The following CDH23 variants were observed in gnomAD, a reference collection of about 807,000 sequenced individuals.
CDH23 encodes the protein cadherin-23.
A neutral mutation model predicts 317.1 loss-of-function variants in CDH23; 189 were observed. The observed-to-expected ratio is 0.60, with a 90% CI of 0.53 to 0.67. The LOEUF (loss-of-function observed/expected upper bound fraction) is 0.67, where lower values mean the gene tolerates loss of function less well. Among genes scored for constraint, CDH23 ranks in the 30% least tolerant of loss-of-function variants. The pLI is 0.00. For missense variants in CDH23, 4,401 were observed against 4,592.4 expected, an observed-to-expected ratio of 0.96 and a Z score of 1.20; for synonymous variants, 1,839 against 1,876.8, an observed-to-expected ratio of 0.98 and a Z score of 0.52.
intron 22 of CDH23, among the ~76,000 whole-genome samples, chr10:71,696,511 G>A (rs10999956): frequency 0.037 from 5,566 of 152,334 alleles, 152 homozygotes; most frequent in East Asian, 0.077. Flanking sequence ...GTCAGGACTC[G>A]AACCCTGGTC....
At chr10:71,548,465 G>A (rs1318670820) in intron 6 of CDH23, among the ~76,000 whole-genome samples, 2 of 152,122 alleles carry the variant, frequency 1.3e-5, no homozygotes, top group Admixed American at 6.5e-5. Context: ...TCCTCCAAGT[G>A]GAAGGGATTA....
intron 27 of CDH23, among the ~76,000 whole-genome samples, chr10:71,710,040 GC>G (rs1564747613): frequency 1.3e-5 from 2 of 152,088 alleles, no homozygotes; most frequent in Admixed American, 6.5e-5. Context: ...AGGAGAAAAT[GC>G]CCCCATGATT....
intron 8 of CDH23, among the ~76,000 whole-genome samples, chr10:71,572,156 G>A (rs1316119856): frequency 6.6e-6 from 1 of 152,216 alleles, no homozygotes; most frequent in Non-Finnish European, 1.5e-5. Context: ...ACAGATCAAT[G>A]CCCCCAATTC....
intron 14 of CDH23, among the ~76,000 whole-genome samples, chr10:71,648,113 G>T (rs988846748): frequency 6.6e-6 from 1 of 152,210 alleles, no homozygotes; most frequent in African/African-American, 2.4e-5. Context: ...AGCCAGTCAG[G>T]CTGTCAGACG....
At chr10:71,721,461 C>A (rs1486836333) in intron 28 of CDH23, among the ~76,000 whole-genome samples, 1 of 152,168 alleles carries the variant, frequency 6.6e-6, no homozygotes, top group Non-Finnish European at 1.5e-5. Context: ...CTCAACCCTG[C>A]AAGGCTGGTC....
intron 9 of CDH23, among the ~76,000 whole-genome samples, chr10:71,582,589 C>T (rs935139671): frequency 5.0e-4 from 76 of 152,326 alleles, no homozygotes; most frequent in Non-Finnish European, 7.3e-5. Flanking sequence ...TGACCAGCTG[C>T]ATAACCTTCT....
intron 24 of CDH23, among the ~76,000 whole-genome samples, chr10:71,704,630 C>T (rs1865710261): frequency 6.6e-6 from 1 of 152,118 alleles, no homozygotes; most frequent in Non-Finnish European, 1.5e-5. Context: ...GGGGAGAAAG[C>T]GCTGTAGAGA....
chr10:71,463,375 G>A (rs183591260), intron 3 of CDH23, among the ~76,000 whole-genome samples: 53 of 152,260 alleles, frequency 3.5e-4, no homozygotes, highest in Non-Finnish European at 6.6e-4. Flanking sequence ...GTCCGCACCC[G>A]GCTGCCAAGA....
At position 71,815,243 on chromosome 10, in the gene CDH23, A is replaced by G; in HGVS notation, c.10030A>G (p.Ile3344Val). 1.3e-6 allele frequency: 2 copies of G among 1,589,318 alleles called. No individual in the cohort carries two copies. Among genetic ancestry groups the G allele is most frequent in the Non-Finnish European group, 8.6e-7 (1 of 1,163,138 alleles). The change falls in exon 70 of 70, where the codon ATC becomes GTC. Residue 3344 changes from isoleucine to valine, a missense_variant. Physicochemically the swap from Ile to Val is conservative, Grantham distance 29. Transcript: ENST00000224721. ...ACCCCTGCACAAACTTCGCGACGTG[A>G]TCATGGAGACCCCCCTGGAGATCAC... ...STPLHKLRDVIMETPLEITEL is the reference protein window; with the variant it reads ...STPLHKLRDVVMETPLEITEL
intron 1 of CDH23, among the ~76,000 whole-genome samples, chr10:71,439,530 G>T (rs1849772603): frequency 1.3e-5 from 2 of 152,178 alleles, no homozygotes; most frequent in Non-Finnish European, 2.9e-5. Flanking sequence ...TTTGCCCAGA[G>T]TCCCCTCGCA....
At chr10:71,427,866 C>T (rs1041930011) in intron 1 of CDH23, among the ~76,000 whole-genome samples, 7 of 151,844 alleles carry the variant, frequency 4.6e-5, no homozygotes, top group South Asian at 2.1e-4. Flanking sequence ...GCGCATGCTG[C>T]TATGCCTGGC....
At chr10:71,487,321 C>T (rs1464083037) in intron 3 of CDH23, among the ~76,000 whole-genome samples, 2 of 152,120 alleles carry the variant, frequency 1.3e-5, no homozygotes, top group African/African-American at 4.8e-5. Flanking sequence ...GGGGTGCTGA[C>T]CACCACACAG....
intron 3 of CDH23, among the ~76,000 whole-genome samples, chr10:71,479,115 G>A (rs1333205274): frequency 6.6e-6 from 1 of 152,176 alleles, no homozygotes; most frequent in Non-Finnish European, 1.5e-5. Flanking sequence ...TATGTAAGAT[G>A]AGGCTCAGAG....
chr10:71,554,728 AT>A (rs66679909), intron 6 of CDH23, among the ~76,000 whole-genome samples: 8,769 of 147,134 alleles, frequency 0.06, 314 homozygotes, highest in East Asian at 0.12. Flanking sequence ...AGTTGTGAGA[AT>A]TTTTTTTTTT....
intron 3 of CDH23, among the ~76,000 whole-genome samples, chr10:71,492,840 G>T (rs1852741221): frequency 6.6e-6 from 1 of 152,190 alleles, no homozygotes; most frequent in South Asian, 2.1e-4. Context: ...GCCGTGGGGG[G>T]CTCGTGGCCT....
intron 60 of CDH23, 95 bp downstream of exon 60, chr10:71,808,102 C>T: frequency 6.8e-7 from 1 of 1,463,152 alleles, no homozygotes; most frequent in Non-Finnish European, 9.2e-7. Flanking sequence ...GTGGGAGCAC[C>T]ACAGGATATG....
chr10:71,813,071 G>A (rs898318123), intron 68 of CDH23, among the ~76,000 whole-genome samples, 173 bp from the exon 69 acceptor site: 2 of 152,206 alleles, frequency 1.3e-5, no homozygotes, highest in African/African-American at 2.4e-5. Context: ...GGGCTCAGGA[G>A]TGAGTCCACC....
intron 28 of CDH23, among the ~76,000 whole-genome samples, chr10:71,718,514 G>C (rs1043577961): frequency 6.6e-6 from 1 of 152,278 alleles, no homozygotes; most frequent in African/African-American, 2.4e-5. Flanking sequence ...CTGTGCATGG[G>C]TTGGCCTTTC....
intron 61 of CDH23, 149 bp downstream of exon 61, chr10:71,810,225 A>C (rs1841876107): frequency 9.5e-7 from 1 of 1,047,162 alleles, no homozygotes; most frequent in Non-Finnish European, 1.4e-6. Context: ...TGCAGCTTTG[A>C]TAAAGTTCTC....
Sources: gnomAD v4.1 joint callset for allele counts (sites outside exome capture counted in the v4.1 genomes callset) on GRCh38, gnomAD v4.1.1 for gene constraint, MANE v1.5 for transcripts, NCBI Gene and HGNC (gene_info 2026-07-23, HGNC 2026-07-21) for gene names.